Variants in DENND1B observed in about 807,000 individuals in gnomAD.
The protein encoded by DENND1B is DENN domain containing 1B.
Under a neutral mutation model 90.1 loss-of-function variants are expected in DENND1B, and 59 were observed. The observed-to-expected ratio is 0.65, with a 90% CI of 0.53 to 0.81. DENND1B has a LOEUF of 0.81. Ranked by LOEUF, DENND1B falls within the 40% of genes least tolerant of loss-of-function variation. The pLI is 0.00. For synonymous variants in DENND1B, 337 were observed against 324.6 expected, an observed-to-expected ratio of 1.04 and a Z score of -0.41; for missense variants, 862 against 912.6, an observed-to-expected ratio of 0.94 and a Z score of 0.71.
intron 2 of DENND1B, among the ~76,000 whole-genome samples, chr1:197,769,710 AATCT>A (rs1656162320): frequency 6.6e-6 from 1 of 152,150 alleles, no homozygotes; most frequent in Non-Finnish European, 1.5e-5. Context: ...TTTGTTTTCC[AATCT>A]ATTACTATTT....
At chr1:197,626,101 T>A (rs1345966254) in intron 10 of DENND1B, among the ~76,000 whole-genome samples, 1 of 151,948 alleles carries the variant, frequency 6.6e-6, no homozygotes, top group Admixed American at 6.6e-5. Flanking sequence ...CTGTCAACAT[T>A]AGACAGATCA....
At chr1:197,601,808 A>T (rs1676237071) in intron 13 of DENND1B, among the ~76,000 whole-genome samples, 1 of 151,750 alleles carries the variant, frequency 6.6e-6, no homozygotes, top group Non-Finnish European at 1.5e-5. Flanking sequence ...AATGTTTACA[A>T]GCACAGTTAA....
chr1:197,659,541 ATC>A (rs1457699231), intron 5 of DENND1B, among the ~76,000 whole-genome samples: 2 of 152,012 alleles, frequency 1.3e-5, no homozygotes, highest in Admixed American at 6.6e-5. Flanking sequence ...GTATGTAATT[ATC>A]TCTGTGTCCT....
chr1:197,602,443 C>T (rs1279729638), intron 13 of DENND1B, among the ~76,000 whole-genome samples: 1 of 151,342 alleles, frequency 6.6e-6, no homozygotes, highest in Non-Finnish European at 1.5e-5. Context: ...AAAATGTTCT[C>T]CAAGTTACTC....
chr1:197,544,856 G>GGAAGAAGAGGAAGAAA lies in DENND1B; in HGVS notation c.1350+1065_1350+1066insTTTCTTCCTCTTCTTC, dbSNP rs1300468958. On this transcript the variant is annotated intron_variant, in intron 18 of 22. Coordinates refer to ENST00000620048, the MANE Select transcript of DENND1B (RefSeq NM_001195215.2). Reference sequence around the variant, plus strand: ...GGAAGAGGAGGAAGAAGAGGAAGAAGAGGAAGGAGGAGAAGGAGATGAAGA... The same window carrying GGAAGAAGAGGAAGAAA: ...GGAAGAGGAGGAAGAAGAGGAAGAAGGAAGAAGAGGAAGAAAAGGAAGGAGGAGAAGGAGATGAAGA... Among the ~76,000 whole-genome samples the GGAAGAAGAGGAAGAAA allele has an allele frequency of 2.8e-3, 352 of 126,400 alleles. 3 individuals carry two copies. Among genetic ancestry groups the GGAAGAAGAGGAAGAAA allele is most frequent in the Non-Finnish European group, 3.9e-3 (218 of 56,218 alleles). The allele number at this position is 126,400 out of a possible 152,430, so 82.9% of individuals were successfully genotyped here. A position where few individuals can be genotyped will look rare whatever the true frequency, so the allele number is the denominator to read the frequency against.
At chr1:197,752,660 T>C (rs2102416898) in intron 2 of DENND1B, among the ~76,000 whole-genome samples, 1 of 152,148 alleles carries the variant, frequency 6.6e-6, no homozygotes, top group Admixed American at 6.5e-5. Context: ...ATTATTATTA[T>C]ACTTTAAGTT....
At chr1:197,766,927 G>A (rs1273211912) in intron 2 of DENND1B, among the ~76,000 whole-genome samples, 6 of 151,852 alleles carry the variant, frequency 4.0e-5, no homozygotes, top group African/African-American at 1.2e-4. Context: ...TCAAGTAGTT[G>A]GGACTACAGG....
chr1:197,735,200 C>T, intron 2 of DENND1B: 4 of 1,029,220 alleles, frequency 3.9e-6, no homozygotes, highest in Non-Finnish European at 3.5e-6. Flanking sequence ...AACATGCCTA[C>T]CATTGAGTAT....
intron 20 of DENND1B, among the ~76,000 whole-genome samples, chr1:197,518,859 GA>G (rs1004364866): frequency 6.6e-6 from 1 of 151,804 alleles, no homozygotes; most frequent in African/African-American, 2.4e-5. Context: ...GGAAAACTGT[GA>G]AAGACTTTGA....
intron 9 of DENND1B, among the ~76,000 whole-genome samples, chr1:197,643,282 G>A (rs1212455771): frequency 6.6e-6 from 1 of 151,928 alleles, no homozygotes; most frequent in African/African-American, 2.4e-5. Context: ...AGCCACCAGA[G>A]TAGCTAGGAT....
chr1:197,601,549 C>T (rs144054251), intron 13 of DENND1B, among the ~76,000 whole-genome samples: 8 of 151,136 alleles, frequency 5.3e-5, no homozygotes, highest in African/African-American at 1.9e-4. Flanking sequence ...TCTGCAGTAA[C>T]AAGAGAAAGA....
At chr1:197,637,562 C>T (rs1051181945) in intron 10 of DENND1B, among the ~76,000 whole-genome samples, 1 of 152,128 alleles carries the variant, frequency 6.6e-6, no homozygotes, top group Admixed American at 6.5e-5. Flanking sequence ...CTTCACACAT[C>T]CCTTCCAATA....
At chr1:197,725,536 A>G (rs1184822655) in intron 2 of DENND1B, among the ~76,000 whole-genome samples, 1 of 152,128 alleles carries the variant, frequency 6.6e-6, no homozygotes, top group Non-Finnish European at 1.5e-5. Flanking sequence ...TACAATTAGC[A>G]AAGTTTTGCA....
chr1:197,734,032 G>A, intron 2 of DENND1B: 1 of 870,492 alleles, frequency 1.1e-6, no homozygotes, highest in Non-Finnish European at 1.4e-6. Context: ...TATTTTATTT[G>A]CAGTATTTAC....
At chr1:197,762,501 C>T (rs941422136) in intron 2 of DENND1B, among the ~76,000 whole-genome samples, 2 of 152,124 alleles carry the variant, frequency 1.3e-5, no homozygotes, top group African/African-American at 4.8e-5. Flanking sequence ...AAAATGGTTG[C>T]TATAGTGAAG....
intron 2 of DENND1B, among the ~76,000 whole-genome samples, chr1:197,733,805 G>C (rs1662375541): frequency 6.6e-6 from 1 of 152,058 alleles, no homozygotes; most frequent in African/African-American, 2.4e-5. Flanking sequence ...TTCTATTGTT[G>C]AACATAAAGA....
intron 20 of DENND1B, among the ~76,000 whole-genome samples, chr1:197,530,547 A>C (rs1669540953): frequency 6.6e-6 from 1 of 152,166 alleles, no homozygotes; most frequent in Admixed American, 6.5e-5. Context: ...CAAGTCATAA[A>C]CTGGGATCTA....
chr1:197,774,216 C>T (rs1174373974), intron 1 of DENND1B, among the ~76,000 whole-genome samples: 1 of 151,880 alleles, frequency 6.6e-6, no homozygotes. Context: ...ACATAATTTC[C>T]CTCTTTCCCT....
chr1:197,523,215 T>A (rs1668898900), intron 20 of DENND1B, among the ~76,000 whole-genome samples: 1 of 152,032 alleles, frequency 6.6e-6, no homozygotes, highest in Non-Finnish European at 1.5e-5. Context: ...ACTCACTGCC[T>A]CCCAAGACTG....
Sources: gnomAD v4.1 joint callset for allele counts (sites outside exome capture counted in the v4.1 genomes callset) on GRCh38, gnomAD v4.1.1 for gene constraint, MANE v1.5 for transcripts, NCBI Gene and HGNC (gene_info 2026-07-23, HGNC 2026-07-21) for gene names.